Variants in CUL4A observed in about 807,000 individuals in gnomAD.
CUL4A encodes the protein cullin-4A.
In CUL4A, 16 loss-of-function variants were observed where a neutral mutation model predicts 95.5. The ratio of observed to expected loss-of-function variants is 0.17; its 90% CI spans 0.11 to 0.25. The LOEUF (loss-of-function observed/expected upper bound fraction) is 0.25. CUL4A is among the 10% of genes least tolerant of loss of function. The pLI is 1.00. For synonymous variants in CUL4A, 380 were observed against 353.1 expected, an observed-to-expected ratio of 1.08 and a Z score of -0.85; for missense variants, 610 against 937.0, an observed-to-expected ratio of 0.65 and a Z score of 4.56.
chr13:113,226,850 T>C (rs1366157574), intron 3 of CUL4A, among the ~76,000 whole-genome samples: 1 of 152,122 alleles, frequency 6.6e-6, no homozygotes, highest in African/African-American at 2.4e-5. Flanking sequence ...TGAGGTGCCA[T>C]CTCTTTTAAT....
At position 113,218,942 on chromosome 13, in the gene CUL4A, C is replaced by T; in HGVS notation, c.265-3C>T. The stretch of plus-strand genomic sequence containing the variant: ...AGAATTGATGTAGCCCTTTTGTTTG[C>T]AGGCTGTGGAAAATCTCTGTTCTCA... On this transcript the variant is annotated splice_region_variant and splice_polypyrimidine_tract_variant and intron_variant, in intron 2 of 19. Transcript: ENST00000375440. 3.7e-6 allele frequency: 6 copies of T among 1,603,656 alleles called. No individual in the cohort carries two copies. Among genetic ancestry groups the T allele is most frequent in the Non-Finnish European group, 5.1e-6 (6 of 1,174,078 alleles).
intron 15 of CUL4A, among the ~76,000 whole-genome samples, chr13:113,246,581 T>C (rs1595410722): frequency 2.0e-5 from 3 of 152,188 alleles, no homozygotes; most frequent in African/African-American, 7.2e-5. Flanking sequence ...CCTGCAATCA[T>C]GGAAGACTTC....
intron 3 of CUL4A, among the ~76,000 whole-genome samples, chr13:113,221,297 C>G (rs1215622299): frequency 1.3e-5 from 2 of 152,160 alleles, no homozygotes; most frequent in Non-Finnish European, 2.9e-5. Context: ...GTTTTTTAAG[C>G]AAGAAACCAG....
At chr13:113,209,852 G>C in intron 1 of CUL4A, 77 bp downstream of exon 1, 1 of 1,148,824 alleles carries the variant, frequency 8.7e-7, no homozygotes, top group Non-Finnish European at 1.1e-6. Flanking sequence ...TTGGGGGGAA[G>C]GCCCCGAGAT....
chr13:113,239,620 G>A (rs554085028), intron 10 of CUL4A, 69 bp downstream of exon 10: 8 of 1,179,612 alleles, frequency 6.8e-6, no homozygotes, highest in South Asian at 4.3e-5. Context: ...TCCTGAGAAC[G>A]CCTAGTGTGC....
intron 9 of CUL4A, among the ~76,000 whole-genome samples, chr13:113,238,898 A>AT (rs1167241787): frequency 5.3e-5 from 8 of 152,216 alleles, no homozygotes; most frequent in African/African-American, 1.9e-4. Flanking sequence ...AGTTTTTCTC[A>AT]TTGAGGTATG....
In CUL4A at chr13:113,248,609, G is replaced by A. The variant is rs553059229; in HGVS notation, c.1638+2546G>A. Among the ~76,000 whole-genome samples the A allele has an allele frequency of 5.3e-5, 8 of 152,198 alleles. No individual in the cohort carries two copies. In the East Asian group the frequency reaches 1.3e-3, roughly 26 times the overall value. ...TGGTTCAGTAACATCCAGTGCAGTT[G>A]TTCCTCAGTATCCACGGGCTGTTGG... is the stretch of plus-strand genomic sequence containing the variant. On this transcript the variant is annotated intron_variant, in intron 15 of 19. Transcript: ENST00000375440.
chr13:113,256,175 T>C (rs989008762), intron 18 of CUL4A, among the ~76,000 whole-genome samples: 1 of 152,132 alleles, frequency 6.6e-6, no homozygotes, highest in African/African-American at 2.4e-5. Flanking sequence ...AAAAAACACC[T>C]GGGATCACTG....
At chr13:113,218,755 A>G (rs1174170729) in intron 2 of CUL4A, among the ~76,000 whole-genome samples, 190 bp from the exon 3 acceptor site, 1 of 152,226 alleles carries the variant, frequency 6.6e-6, no homozygotes, top group Non-Finnish European at 1.5e-5. Context: ...CTATGACTGG[A>G]CTGCAGTGTT....
intron 2 of CUL4A, among the ~76,000 whole-genome samples, chr13:113,211,581 C>T (rs527845410): frequency 1.3e-5 from 2 of 152,246 alleles, no homozygotes; most frequent in East Asian, 1.9e-4. Context: ...GTCGGGGTTT[C>T]GCCATGTTGG....
intron 1 of CUL4A, 95 bp from the exon 2 acceptor site, chr13:113,209,878 G>C (rs1288967594): frequency 4.2e-6 from 5 of 1,199,678 alleles, no homozygotes; most frequent in Non-Finnish European, 5.2e-6. Flanking sequence ...CGGGCCCCGG[G>C]AGCGGGGGCG....
At chr13:113,228,082 A>C in intron 4 of CUL4A, 37 bp downstream of exon 4, 4 of 1,471,836 alleles carry the variant, frequency 2.7e-6, no homozygotes, top group Non-Finnish European at 3.8e-6. Flanking sequence ...ACACGACCTC[A>C]TCCATCTTCC....
At chr13:113,240,890 G>T (rs946906331) in intron 10 of CUL4A, among the ~76,000 whole-genome samples, 1 of 152,154 alleles carries the variant, frequency 6.6e-6, no homozygotes, top group African/African-American at 2.4e-5. Flanking sequence ...GTGTAGTTTC[G>T]CAAACCGTTG....
chr13:113,257,820 T>C (rs1436512411), intron 18 of CUL4A, among the ~76,000 whole-genome samples: 1 of 152,246 alleles, frequency 6.6e-6, no homozygotes, highest in Admixed American at 6.5e-5. Context: ...AATCTTTCTT[T>C]TCATGTTGCA....
Position 113,210,020 on chromosome 13 carries a change from C to T in CUL4A, c.196C>T (p.Leu66=). 1 of 1,525,712 alleles carries T rather than the reference C, an allele frequency of 6.6e-7. No individual in the cohort carries two copies. Among genetic ancestry groups the T allele is most frequent in the Non-Finnish European group, 8.8e-7 (1 of 1,137,416 alleles). The allele number at this position is 1,525,712 out of a possible 1,614,324, so 94.5% of individuals were successfully genotyped here. A position where few individuals can be genotyped will look rare whatever the true frequency, so the allele number is the denominator to read the frequency against. The change falls in exon 2 of 20, where the codon CTG becomes TTG. Residue 66 remains leucine, a synonymous_variant. Transcript: ENST00000375440. ...DNYTQDTWRK[L]HEAVRAVQSS... ...CTACACGCAGGACACGTGGCGGAAG[C>T]TGCACGAGGCGGTGCGGGCCGTGCA...
At position 113,232,108 on chromosome 13, in the gene CUL4A, C is replaced by CGCCCACCACCATTACTGTCACCACTACCT. The variant is rs2041350465; in HGVS notation, c.513-1041_513-1040insTGCCCACCACCATTACTGTCACCACTACC. Among the ~76,000 whole-genome samples the CGCCCACCACCATTACTGTCACCACTACCT allele has an allele frequency of 5.1e-4, 4 of 7,886 alleles. 1 individual carries two copies. Among genetic ancestry groups the CGCCCACCACCATTACTGTCACCACTACCT allele is most frequent in the Non-Finnish European group, 3.4e-3 (4 of 1,168 alleles). 5.2% of individuals were successfully genotyped at this position (7,886 alleles called of 152,430 possible). ...CACCACCATTACTGTCACCACTACC[C>CGCCCACCACCATTACTGTCACCACTACCT]GCCCACCACCATTACTGTCACCACT... On this transcript the variant is annotated intron_variant, in intron 5 of 19. Coordinates refer to ENST00000375440, the MANE Select transcript of CUL4A (RefSeq NM_001008895.4).
At chr13:113,213,893 T>G (rs2040544894) in intron 2 of CUL4A, among the ~76,000 whole-genome samples, 1 of 152,270 alleles carries the variant, frequency 6.6e-6, no homozygotes, top group Non-Finnish European at 1.5e-5. Context: ...GGTGGGCTTC[T>G]GGCCTCTCAC....
chr13:113,263,467 GT>G lies in CUL4A; in HGVS notation c.2185-16del. 2 of 1,528,944 alleles carry G rather than the reference GT, an allele frequency of 1.3e-6. No individual in the cohort carries two copies. The highest frequency in any genetic ancestry group is 2.3e-5 in the East Asian group (1 of 43,512). 94.7% of individuals were successfully genotyped at this position (1,528,944 alleles called of 1,614,324 possible). ...ATTTAATGCCATTGTAATTAGGGGG[GT>G]TTTATTCTTCTTTTTTAGCCTGGAG... On this transcript the variant is annotated intron_variant, in intron 19 of 19. Transcript: ENST00000375440.
chr13:113,234,911 C>T (rs1031069121), intron 7 of CUL4A, 152 bp from the exon 8 acceptor site: 8 of 599,646 alleles, frequency 1.3e-5, no homozygotes, highest in Non-Finnish European at 2.1e-5. Flanking sequence ...TCCGTCCTAC[C>T]TCTCCCTCCC....
Sources: gnomAD v4.1 joint callset for allele counts (sites outside exome capture counted in the v4.1 genomes callset) on GRCh38, gnomAD v4.1.1 for gene constraint, MANE v1.5 for transcripts, NCBI Gene and HGNC (gene_info 2026-07-23, HGNC 2026-07-21) for gene names.